The following POC1A variants were observed in gnomAD, a reference collection of about 807,000 sequenced individuals.
POC1A encodes the protein POC1 centriolar protein homolog A.
In POC1A, 34 loss-of-function variants were observed where a neutral mutation model predicts 47.8. The observed-to-expected ratio is 0.71, with a 90% CI of 0.54 to 0.95. The LOEUF (loss-of-function observed/expected upper bound fraction) is 0.95. Among genes scored for constraint, POC1A ranks in the 40% least tolerant of loss-of-function variants. The pLI is 0.00. For synonymous variants in POC1A, 177 were observed against 207.6 expected (o/e 0.85, Z 1.27); for missense variants, 466 against 528.3 (o/e 0.88, Z 1.16).
At chr3:52,114,489 C>T (rs192277145) in intron 9 of POC1A, among the ~76,000 whole-genome samples, 52 of 152,340 alleles carry the variant, frequency 3.4e-4, no homozygotes, top group African/African-American at 9.9e-4. Flanking sequence ...TGCACACACA[C>T]AGGGGAAGGC....
At chr3:52,140,283 G>A (rs774440783) in intron 6 of POC1A, among the ~76,000 whole-genome samples, 1 of 152,158 alleles carries the variant, frequency 6.6e-6, no homozygotes, top group Non-Finnish European at 1.5e-5. Context: ...CCCTCCAAGC[G>A]CCAGGATCTC....
At chr3:52,114,098 G>T (rs1703475936) in intron 9 of POC1A, among the ~76,000 whole-genome samples, 1 of 152,252 alleles carries the variant, frequency 6.6e-6, no homozygotes, top group African/African-American at 2.4e-5. Flanking sequence ...CCTCTGCTCA[G>T]ACCAGCATAC....
chr3:52,133,808 C>T (rs1009315240), intron 7 of POC1A, among the ~76,000 whole-genome samples: 1 of 152,212 alleles, frequency 6.6e-6, no homozygotes, highest in African/African-American at 2.4e-5. Flanking sequence ...ACCCGCAGAG[C>T]CCCCATGCCC....
chr3:52,124,034 C>T (rs182769979), intron 8 of POC1A, among the ~76,000 whole-genome samples: 96 of 152,340 alleles, frequency 6.3e-4, no homozygotes, highest in African/African-American at 2.1e-3. Context: ...CCTCCAACTA[C>T]CCTCTGCCTT....
At chr3:52,125,235 T>C (rs776376790) in intron 7 of POC1A, 54 bp from the exon 8 acceptor site, 6 of 1,395,922 alleles carry the variant, frequency 4.3e-6, no homozygotes, top group Non-Finnish European at 6.1e-6. Flanking sequence ...CCATTCTAAA[T>C]GCACAGGAAG....
chr3:52,076,088 A>C, intron 10 of POC1A, 103 bp from the exon 11 acceptor site: 1 of 806,952 alleles, frequency 1.2e-6, no homozygotes, highest in Non-Finnish European at 2.1e-6. Context: ...CCACTGCCCA[A>C]ATGCCAGCTG....
At chr3:52,082,817 C>A (rs1034028443) in intron 10 of POC1A, among the ~76,000 whole-genome samples, 2 of 152,040 alleles carry the variant, frequency 1.3e-5, no homozygotes, top group African/African-American at 4.8e-5. Context: ...GGCACCTGGG[C>A]CCCCAACTCC....
At chr3:52,150,942 C>A in intron 2 of POC1A, 74 bp downstream of exon 2, 1 of 1,356,236 alleles carries the variant, frequency 7.4e-7, no homozygotes, top group Non-Finnish European at 1.1e-6. Flanking sequence ...GCTTCCCACC[C>A]ACCACCCCTC....
At position 52,079,833 on chromosome 3, in the gene POC1A, C is replaced by G. The variant is rs1702227911; in HGVS notation, c.1126-3848G>C. Among the ~76,000 whole-genome samples, 1 of 152,206 alleles carries G rather than the reference C, an allele frequency of 6.6e-6. No individual in the cohort carries two copies. ...TCCCTCTTGCTGGGGTCCAACTCTT[C>G]CACAGTGCGGCCCCTTCTGTCTGCT... On this transcript the variant is annotated intron_variant, in intron 10 of 10. Transcript: ENST00000296484. The surrounding 1 kb of genome is among the most constrained non-coding windows in gnomAD (Gnocchi z 4.6).
At chr3:52,127,586 G>C (rs1303267425) in intron 7 of POC1A, among the ~76,000 whole-genome samples, 4 of 151,494 alleles carry the variant, frequency 2.6e-5, no homozygotes. Flanking sequence ...GTAGAGATGG[G>C]GTTTCACTGT....
At chr3:52,105,154 T>A (rs1051160612) in intron 9 of POC1A, among the ~76,000 whole-genome samples, 1 of 152,164 alleles carries the variant, frequency 6.6e-6, no homozygotes, top group Non-Finnish European at 1.5e-5. Context: ...CTGGACTATC[T>A]CACTCACCCT....
intron 9 of POC1A, among the ~76,000 whole-genome samples, chr3:52,107,533 T>C (rs1577849074): frequency 6.6e-6 from 1 of 152,204 alleles, no homozygotes; most frequent in South Asian, 2.1e-4. Context: ...TCTGGTTCAG[T>C]TCAGCTCCAC....
chr3:52,151,397 T>C (rs1698550613), intron 1 of POC1A, among the ~76,000 whole-genome samples: 1 of 152,086 alleles, frequency 6.6e-6, no homozygotes, highest in Non-Finnish European at 1.5e-5. Flanking sequence ...TTCTGTACAC[T>C]AGCAATGAAT....
At chr3:52,142,033 G>A (rs1230618599) in intron 6 of POC1A, among the ~76,000 whole-genome samples, 1 of 152,194 alleles carries the variant, frequency 6.6e-6, no homozygotes, top group South Asian at 2.1e-4. Flanking sequence ...GGAACCGAGC[G>A]TGAGCCTGTC....
chr3:52,109,846 A>T (rs1703320420), intron 9 of POC1A, among the ~76,000 whole-genome samples: 1 of 152,166 alleles, frequency 6.6e-6, no homozygotes, highest in Admixed American at 6.5e-5. Context: ...ACACCCTTAC[A>T]CCACATGGCA....
chr3:52,101,021 AC>A, intron 9 of POC1A, among the ~76,000 whole-genome samples: 1 of 149,566 alleles, frequency 6.7e-6, no homozygotes, highest in African/African-American at 2.5e-5. Context: ...CACTTTTGAG[AC>A]CCAGGGAGAC....
chr3:52,104,519 AAATGT>A (rs1703107270), intron 9 of POC1A, among the ~76,000 whole-genome samples: 1 of 152,228 alleles, frequency 6.6e-6, no homozygotes, highest in African/African-American at 2.4e-5. Context: ...GTTACAACTA[AAATGT>A]CCTTAGGGGA....
intron 7 of POC1A, among the ~76,000 whole-genome samples, chr3:52,128,721 C>G (rs1417416961): frequency 1.3e-5 from 2 of 152,192 alleles, no homozygotes; most frequent in African/African-American, 4.8e-5. Context: ...TGCCCTAGTG[C>G]TCCTCAAACA....
At chr3:52,106,724 G>A (rs1163498564) in intron 9 of POC1A, among the ~76,000 whole-genome samples, 3 of 152,130 alleles carry the variant, frequency 2.0e-5, no homozygotes, top group Admixed American at 2.0e-4. Flanking sequence ...TGTGTTGCTC[G>A]CAGGCCTTGG....
Sources: allele counts gnomAD v4.1 joint callset (sites outside exome capture counted in the v4.1 genomes callset), GRCh38; gene constraint gnomAD v4.1.1; non-coding constraint Gnocchi (gnomAD v3.1); transcripts MANE v1.5; gene names NCBI Gene and HGNC (gene_info 2026-07-23, HGNC 2026-07-21).